HEG1: variants seen among roughly 807,000 people sequenced by gnomAD.
HEG1 encodes the protein heart development protein with EGF like domains 1, also known as protein HEG homolog 1.
In HEG1, 56 loss-of-function variants were observed where a neutral mutation model predicts 125.6. The ratio of observed to expected loss-of-function variants is 0.45; its 90% CI spans 0.36 to 0.56. The LOEUF is 0.56. Among genes scored for constraint, HEG1 ranks in the 20% least tolerant of loss-of-function variants. The pLI, the probability that HEG1 is intolerant of heterozygous loss-of-function variation, is 0.00. For missense variants in HEG1, 1,523 were observed against 1,670.0 expected (o/e 0.91, Z 1.53); for synonymous variants, 644 against 668.5 (o/e 0.96, Z 0.57).
chr3:125,017,529 C>T (rs4558809), intron 5 of HEG1, among the ~76,000 whole-genome samples: 74,247 of 151,994 alleles, frequency 0.49, 18,591 homozygotes, highest in Middle Eastern at 0.64. Flanking sequence ...TGAGATGCCT[C>T]CACCCCCACT....
In HEG1 at chr3:124,969,726, G is replaced by A. The variant is rs781323414; in HGVS notation, c.*926C>T. 6.6e-6 allele frequency: 1 copy of A among 152,238 alleles called. No homozygotes were observed. Among genetic ancestry groups the A allele is most frequent in the Non-Finnish European group, 1.5e-5 (1 of 68,116 alleles). 9.4% of individuals were successfully genotyped at this position (152,238 alleles called of 1,614,324 possible). On this transcript the variant is annotated 3_prime_UTR_variant, in exon 17 of 17. Coordinates refer to ENST00000311127, the MANE Select transcript of HEG1 (RefSeq NM_020733.2). ...GCTCAACAAGCTGCTTTCCTAGAGTGGTGAAACCTGCGTTCAGTTTGACAT... is the reference window on the plus strand; with the variant it reads ...GCTCAACAAGCTGCTTTCCTAGAGTAGTGAAACCTGCGTTCAGTTTGACAT...
At chr3:125,043,996 A>G (rs986501434) in intron 1 of HEG1, among the ~76,000 whole-genome samples, 3 of 152,218 alleles carry the variant, frequency 2.0e-5, no homozygotes, top group African/African-American at 7.2e-5. Flanking sequence ...GACTTTCAGA[A>G]GCTCTGCAGT....
At chr3:124,989,103 A>C (rs985445497) in intron 14 of HEG1, among the ~76,000 whole-genome samples, 5 of 152,216 alleles carry the variant, frequency 3.3e-5, no homozygotes, top group African/African-American at 4.8e-5. Context: ...ATGGATATGT[A>C]ATTCCAAGTC....
At chr3:125,032,399 A>C (rs964412675) in intron 1 of HEG1, among the ~76,000 whole-genome samples, 1 of 152,196 alleles carries the variant, frequency 6.6e-6, no homozygotes, top group Admixed American at 6.5e-5. Context: ...TGTGGGTGAT[A>C]ATTAACAGAG....
chr3:125,036,915 AG>A (rs1333400557), intron 1 of HEG1, among the ~76,000 whole-genome samples: 1 of 152,258 alleles, frequency 6.6e-6, no homozygotes, highest in Non-Finnish European at 1.5e-5. Context: ...CATTAAAAAT[AG>A]GCATATATTT....
At position 125,005,351 on chromosome 3, in the gene HEG1, C is replaced by G. The variant is rs1937057455; in HGVS notation, c.3211G>C (p.Glu1071Gln). Residue 1071 changes from glutamate (E) to glutamine (Q), a missense_variant, in exon 9 of 17, where the codon GAG becomes CAG. Physicochemically the swap from Glu to Gln is conservative, Grantham distance 29 (BLOSUM62 2). Transcript: ENST00000311127. ...AGAAAAGTTCTCTTTAATTTAAACT[C>G]TGTCACGAAGGTTCTAACTGAAAAT... The part of the protein sequence containing the change: ...ICNLVRTFVT[E>Q]FKLKRTFLNT... 6.3e-7 allele frequency: 1 copy of G among 1,576,122 alleles called. No individual in the cohort carries two copies. Among genetic ancestry groups the G allele is most frequent in the African/African-American group, 1.4e-5 (1 of 73,660 alleles).
chr3:125,050,532 A>G (rs1261589173), intron 1 of HEG1, among the ~76,000 whole-genome samples: 1 of 152,230 alleles, frequency 6.6e-6, no homozygotes, highest in Non-Finnish European at 1.5e-5. Flanking sequence ...TCCCTGGACT[A>G]TCCAGCCCCC....
chr3:125,055,520 C>A (rs1407647286), intron 1 of HEG1, 55 bp downstream of exon 1: 1 of 1,098,090 alleles, frequency 9.1e-7, no homozygotes, highest in Non-Finnish European at 1.1e-6. Flanking sequence ...GCCCGGGGCG[C>A]GCCCACGCCC....
chr3:125,042,721 C>T (rs1186163351), intron 1 of HEG1, among the ~76,000 whole-genome samples: 1 of 152,216 alleles, frequency 6.6e-6, no homozygotes, highest in African/African-American at 2.4e-5. Flanking sequence ...GGGCCCTTCC[C>T]CTGCAGGCCC....
In HEG1 at chr3:124,968,403, C is replaced by T. The variant is rs1936357577; in HGVS notation, c.*2249G>A. 6.6e-6 allele frequency: 1 copy of T among 152,264 alleles called. No individual in the cohort carries two copies. The highest frequency in any genetic ancestry group is 2.4e-5 in the African/African-American group (1 of 41,436). The allele number at this position is 152,264 out of a possible 1,614,324, so 9.4% of individuals were successfully genotyped here. A position where few individuals can be genotyped will look rare whatever the true frequency, so the allele number is the denominator to read the frequency against. On this transcript the variant is annotated 3_prime_UTR_variant, in exon 17 of 17. Coordinates refer to ENST00000311127, the MANE Select transcript of HEG1 (RefSeq NM_020733.2). ...TGTGTGACCTCAACCTTGTGGGTGC[C>T]TCCTTTTTTTCTCAGTTAGAACAAC...
intron 5 of HEG1, among the ~76,000 whole-genome samples, chr3:125,018,505 G>A (rs1410526255): frequency 1.3e-5 from 2 of 152,156 alleles, no homozygotes; most frequent in African/African-American, 4.8e-5. Context: ...TGCTTTAAAT[G>A]GGCAAATACT....
chr3:125,041,194 C>CA (rs1449452967), intron 1 of HEG1, among the ~76,000 whole-genome samples: 1 of 152,206 alleles, frequency 6.6e-6, no homozygotes, highest in Non-Finnish European at 1.5e-5. Context: ...TACTGACTAG[C>CA]ATCCATACTG....
chr3:124,993,398 C>G (rs1936863598), intron 12 of HEG1, among the ~76,000 whole-genome samples: 1 of 152,250 alleles, frequency 6.6e-6, no homozygotes, highest in African/African-American at 2.4e-5. Context: ...GAGGCCCCAT[C>G]TCCCAATCTT....
chr3:125,050,142 CTTTT>C (rs35715939), intron 1 of HEG1, among the ~76,000 whole-genome samples: 2 of 113,560 alleles, frequency 1.8e-5, no homozygotes, highest in Non-Finnish European at 3.7e-5. Context: ...CACCAACTCT[CTTTT>C]TTTTTTTTTT....
intron 4 of HEG1, among the ~76,000 whole-genome samples, chr3:125,020,020 A>G (rs75685589): frequency 0.017 from 2,605 of 152,352 alleles, 61 homozygotes; most frequent in African/African-American, 0.06. Flanking sequence ...AGTATAGCAA[A>G]AACAAAAATC....
At chr3:124,999,502 T>C (rs906153293) in intron 11 of HEG1, among the ~76,000 whole-genome samples, 2 of 152,178 alleles carry the variant, frequency 1.3e-5, no homozygotes, top group African/African-American at 4.8e-5. Context: ...TTGCCTGGCC[T>C]GATTAGATAT....
chr3:125,021,209 T>A (rs1466719756), intron 3 of HEG1, 79 bp from the exon 4 acceptor site: 2 of 1,122,666 alleles, frequency 1.8e-6, no homozygotes, highest in Non-Finnish European at 1.3e-6. Flanking sequence ...ACAAATGACG[T>A]TTCTTACATT....
intron 1 of HEG1, among the ~76,000 whole-genome samples, chr3:125,030,580 T>G (rs1014523939): frequency 6.6e-6 from 1 of 152,228 alleles, no homozygotes; most frequent in African/African-American, 2.4e-5. Context: ...TAAAACAGCA[T>G]GCTTCAAATA....
chr3:124,993,308 A>T (rs1186128253), intron 12 of HEG1, among the ~76,000 whole-genome samples: 4 of 152,204 alleles, frequency 2.6e-5, no homozygotes, highest in African/African-American at 9.7e-5. Flanking sequence ...ATCTTATATT[A>T]TCAAATCAGT....
Sources: gnomAD v4.1 joint callset for allele counts (sites outside exome capture counted in the v4.1 genomes callset) on GRCh38, gnomAD v4.1.1 for gene constraint, MANE v1.5 for transcripts, NCBI Gene and HGNC (gene_info 2026-07-23, HGNC 2026-07-21) for gene names.